The following CFAP92 variants were observed in gnomAD, a reference collection of about 807,000 sequenced individuals.
The protein encoded by CFAP92 is cilia and flagella associated protein 92 (putative).
Under a neutral mutation model 106.3 loss-of-function variants are expected in CFAP92, and 86 were observed. The ratio of observed to expected loss-of-function variants is 0.81; its 90% confidence interval spans 0.68 to 0.97. CFAP92 has a LOEUF of 0.97. Ranked by LOEUF, CFAP92 falls within the 50% of genes least tolerant of loss-of-function variation. The pLI, the probability that CFAP92 is intolerant of heterozygous loss-of-function variation, is 0.00. For synonymous variants in CFAP92, 477 were observed against 506.4 expected, an observed-to-expected ratio of 0.94 and a Z score of 0.78; for missense variants, 1,204 against 1,283.8, an observed-to-expected ratio of 0.94 and a Z score of 0.95.
chr3:128,995,681 C>T (rs1432468089), upstream of CFAP92, among the ~76,000 whole-genome samples: 1 of 152,188 alleles, frequency 6.6e-6, no homozygotes, highest in Non-Finnish European at 1.5e-5. Context: ...CCAATCTCTT[C>T]CCAAGCTCAA....
rs575535978 is a variant in CFAP92 at position 128,935,441 on chromosome 3, G to T, written c.2259-122C>A. The T allele has an allele frequency of 5.2e-5, 31 of 591,326 alleles. No homozygotes were observed. In the African/African-American group the frequency reaches 5.3e-4, roughly 10 times the overall value. The allele number at this position is 591,326 out of a possible 1,614,324, so 36.6% of individuals were successfully genotyped here. The stretch of plus-strand genomic sequence containing the variant: ...AAAACAAACCCAGGGGCCGGGTATG[G>T]TGACTCACGCCTATAATCCCAGCAC... On this transcript the variant is annotated intron_variant, in intron 10 of 15. Coordinates refer to ENST00000645291, the MANE Select transcript of CFAP92 (RefSeq NM_001394090.1).
intron 9 of CFAP92, among the ~76,000 whole-genome samples, chr3:128,965,144 A>C (rs1942274680): frequency 6.6e-6 from 1 of 151,764 alleles, no homozygotes; most frequent in East Asian, 1.9e-4. Context: ...AATCTCCCCC[A>C]CCCTTAAGAA....
chr3:128,960,377 A>G (rs1941800441), intron 9 of CFAP92, among the ~76,000 whole-genome samples: 1 of 152,126 alleles, frequency 6.6e-6, no homozygotes, highest in African/African-American at 2.4e-5. Flanking sequence ...AGCCCAAGAA[A>G]CATCTCACCA....
intron 10 of CFAP92, among the ~76,000 whole-genome samples, chr3:128,941,252 T>C (rs189252492): frequency 3.3e-5 from 5 of 152,284 alleles, no homozygotes; most frequent in Admixed American, 6.5e-5. Flanking sequence ...TACTAATTTT[T>C]ATATTCGATA....
In CFAP92 at chr3:128,932,940, C is replaced by T. The variant is rs559108352; in HGVS notation, c.2511G>A (p.Leu837=). 2.0e-6 allele frequency: 3 copies of T among 1,536,126 alleles called. No homozygotes were observed. The East Asian group carries it at 7.3e-5, about 38-fold the overall frequency. Residue 837 remains leucine (L), a synonymous_variant, in exon 12 of 16, where the codon CTG becomes CTA. Coordinates refer to ENST00000645291, the MANE Select transcript of CFAP92 (RefSeq NM_001394090.1). ...TTLWDVTVRD[L]LPSSAMIKDL... is the part of the protein sequence containing the mutation. ...CTTTTATCATAGCAGAGGAGGGCAG[C>T]AGGTCCCTCACCGTCACGTCCCAGA...
intron 12 of CFAP92, among the ~76,000 whole-genome samples, chr3:128,931,788 C>G (rs1052499451): frequency 1.3e-5 from 2 of 151,682 alleles, no homozygotes; most frequent in African/African-American, 4.8e-5. Flanking sequence ...TTTGGGAGGC[C>G]GAGGCAGGAG....
intron 9 of CFAP92, among the ~76,000 whole-genome samples, chr3:128,956,309 A>G (rs933251877): frequency 2.6e-5 from 4 of 151,506 alleles, no homozygotes; most frequent in Admixed American, 2.0e-4. Context: ...TCAGAACTTC[A>G]GGGCCCTGTG....
intron 12 of CFAP92, among the ~76,000 whole-genome samples, chr3:128,929,520 T>C (rs1938098433): frequency 6.6e-6 from 1 of 152,154 alleles, no homozygotes; most frequent in Admixed American, 6.5e-5. Context: ...CAAGAAATAA[T>C]AGTAATTCCA....
intron 15 of CFAP92, chr3:128,910,864 T>G: frequency 6.3e-7 from 1 of 1,591,476 alleles, no homozygotes; most frequent in Non-Finnish European, 8.6e-7. Flanking sequence ...TCTAGGCCCC[T>G]ATTGATGGTG....
At chr3:128,961,618 C>T (rs1285049784) in intron 9 of CFAP92, among the ~76,000 whole-genome samples, 2 of 152,166 alleles carry the variant, frequency 1.3e-5, no homozygotes, top group Non-Finnish European at 2.9e-5. Flanking sequence ...AATCAGATAG[C>T]GTTTAGGCTC....
chr3:128,988,987 C>T, intron 2 of CFAP92, 69 bp from the exon 3 acceptor site: 1 of 1,226,264 alleles, frequency 8.2e-7, no homozygotes, highest in Non-Finnish European at 1.2e-6. Context: ...CTCCCCAGTT[C>T]CCTGGAGCTT....
At position 128,915,460 on chromosome 3, in the gene CFAP92, T is replaced by G; in HGVS notation, c.3020A>C (p.Gln1007Pro). 1 of 1,536,114 alleles carries G rather than the reference T, an allele frequency of 6.5e-7. No homozygotes were observed. The highest frequency in any genetic ancestry group is 8.7e-7 in the Non-Finnish European group (1 of 1,146,916). ...GAATCCCCTGGCTGTGAGCCAGGCC[T>G]GGCGGGATTTCTTCTGGGCTTTCTT... is the stretch of plus-strand genomic sequence containing the variant. ...EEKKAQKKSR[Q>P]AWLTARGFQV... The change falls in exon 14 of 16, where the codon CAG becomes CCG. Residue 1007 changes from glutamine (Q) to proline (P), a missense_variant. Physicochemically the swap from Gln to Pro is moderately conservative, Grantham distance 76. Transcript: ENST00000645291.
rs144985265 is a variant in CFAP92 at position 128,935,153 on chromosome 3, G to T, written c.2425C>A (p.Arg809=). The change falls in exon 11 of 16, where the codon CGG becomes AGG. Residue 809 remains arginine, a synonymous_variant. Coordinates refer to ENST00000645291, the MANE Select transcript of CFAP92 (RefSeq NM_001394090.1). ...GCTAGAGCCTGGAAGACCCGCCTCC[G>T]CTCAGTGTCTCGCAGGAAGAACACC... ...QAVFFLRDTE[R]RRVFQALARI... is the part of the protein sequence containing the mutation. The T allele has an allele frequency of 6.5e-7, 1 of 1,534,404 alleles. No homozygotes were observed. Among genetic ancestry groups the T allele is most frequent in the East Asian group, 2.4e-5 (1 of 40,884 alleles).
upstream of CFAP92, among the ~76,000 whole-genome samples, chr3:129,004,535 C>T (rs1304504530): frequency 1.3e-5 from 2 of 150,166 alleles, no homozygotes; most frequent in African/African-American, 2.5e-5. Flanking sequence ...TCCATCCCCC[C>T]ACCCACCCAG....
At chr3:128,991,956 CA>C (rs1944244468) in intron 2 of CFAP92, 1 of 850,644 alleles carries the variant, frequency 1.2e-6, no homozygotes, top group Non-Finnish European at 1.4e-6. Flanking sequence ...AAAATGCTAG[CA>C]GGTGGGAGAC....
At chr3:128,983,922 G>A (rs1943682078) in intron 4 of CFAP92, among the ~76,000 whole-genome samples, 1 of 152,250 alleles carries the variant, frequency 6.6e-6, no homozygotes, top group South Asian at 2.1e-4. Context: ...GGCAGCACCA[G>A]GGCCGAAGGG....
intron 12 of CFAP92, among the ~76,000 whole-genome samples, chr3:128,929,603 C>A (rs62265281): frequency 6.6e-6 from 1 of 152,070 alleles, no homozygotes; most frequent in African/African-American, 2.4e-5. Context: ...AAGAACACAC[C>A]GCTGATATAT....
At chr3:128,917,730 A>G (rs1040189235) in intron 12 of CFAP92, among the ~76,000 whole-genome samples, 1 of 152,236 alleles carries the variant, frequency 6.6e-6, no homozygotes, top group Non-Finnish European at 1.5e-5. Context: ...AATGAGATAT[A>G]TTGCAGAAGT....
chr3:128,945,258 C>T lies in CFAP92; in HGVS notation c.2071G>A (p.Asp691Asn). ...TMINAKALGL[D>N]SYPVRTLQQI... ...TGCAGGGTCCTGACAGGGTAGGAGT[C>T]CAGGCCGAGGGCCTTAGCGTTGATC... The change falls in exon 10 of 16, where the codon GAC becomes AAC. Residue 691 changes from aspartate (D) to asparagine (N), a missense_variant. Coordinates refer to ENST00000645291, the MANE Select transcript of CFAP92 (RefSeq NM_001394090.1). 2 of 1,536,144 alleles carry T rather than the reference C, an allele frequency of 1.3e-6. No individual in the cohort carries two copies. The highest frequency in any genetic ancestry group is 4.9e-5 in the East Asian group (2 of 40,916).
Sources: allele counts gnomAD v4.1 joint callset (sites outside exome capture counted in the v4.1 genomes callset), GRCh38; gene constraint gnomAD v4.1.1; transcripts MANE v1.5; gene names NCBI Gene and HGNC (gene_info 2026-07-23, HGNC 2026-07-21).